The following CTNNA2 variants were observed in gnomAD, a reference collection of about 807,000 sequenced individuals.
The protein encoded by CTNNA2 is catenin alpha 2, also known as catenin alpha-2.
In CTNNA2, 42 loss-of-function variants were observed where a neutral mutation model predicts 101.0. That is an observed-to-expected ratio of 0.42 (90% CI 0.32 to 0.54). The LOEUF is 0.54. Among genes scored for constraint, CTNNA2 ranks in the 20% least tolerant of loss-of-function variants. CTNNA2 has a pLI of 0.14. For missense variants in CTNNA2, 871 were observed against 1,223.1 expected, an observed-to-expected ratio of 0.71 and a Z score of 4.29; for synonymous variants, 450 against 456.4, an observed-to-expected ratio of 0.99 and a Z score of 0.18.
intron 9 of CTNNA2, among the ~76,000 whole-genome samples, chr2:80,432,151 A>G (rs1681595258): frequency 6.6e-6 from 1 of 152,088 alleles, no homozygotes; most frequent in African/African-American, 2.4e-5. Context: ...TTTTGCTTAC[A>G]GTACACCAGG....
chr2:80,571,076 C>T (rs1180705192), intron 12 of CTNNA2, among the ~76,000 whole-genome samples: 1 of 152,166 alleles, frequency 6.6e-6, no homozygotes, highest in Admixed American at 6.5e-5. Flanking sequence ...TCACCTTCTA[C>T]GTTGTCCTCC....
intron 7 of CTNNA2, among the ~76,000 whole-genome samples, chr2:80,142,726 C>T (rs1286567723): frequency 6.6e-6 from 1 of 152,128 alleles, no homozygotes; most frequent in Non-Finnish European, 1.5e-5. Flanking sequence ...AGCCCAAAGC[C>T]ATGGTTTTTA....
chr2:80,235,754 G>A (rs1295069857), intron 7 of CTNNA2, among the ~76,000 whole-genome samples: 1 of 152,064 alleles, frequency 6.6e-6, no homozygotes, highest in East Asian at 1.9e-4. Flanking sequence ...CTTACCTTAG[G>A]GTCGCACCAT....
chr2:80,301,204 A>G (rs967826840), intron 7 of CTNNA2, among the ~76,000 whole-genome samples: 1 of 152,198 alleles, frequency 6.6e-6, no homozygotes, highest in African/African-American at 2.4e-5. Context: ...GAAACTAGGA[A>G]TGTGCTGTCA....
At chr2:79,499,826 T>C (rs1386623861) in intron 4 of CTNNA2, among the ~76,000 whole-genome samples, 2 of 152,184 alleles carry the variant, frequency 1.3e-5, no homozygotes, top group Non-Finnish European at 2.9e-5. Context: ...ACAGAACCAA[T>C]ATGATTTGTG....
rs571970278 is a variant in CTNNA2, at chr2:80,076,907, G to A, written c.1056+167110G>A. Among the ~76,000 whole-genome samples, 40 of 152,004 alleles carry A rather than the reference G, an allele frequency of 2.6e-4. No individual in the cohort carries two copies. In the South Asian group the frequency reaches 3.5e-3, roughly 13 times the overall value. On this transcript the variant is annotated intron_variant, in intron 7 of 18. Coordinates refer to ENST00000402739, the MANE Select transcript of CTNNA2 (RefSeq NM_001282597.3). ...AAAAAATACAAAAAAAAAAATTAGCGTGGTGGTGGGCACCTGTAGTCCCAG... is the reference window on the plus strand; with the variant it reads ...AAAAAATACAAAAAAAAAAATTAGCATGGTGGTGGGCACCTGTAGTCCCAG...
intron 2 of CTNNA2, among the ~76,000 whole-genome samples, chr2:79,288,530 T>C (rs1419786483): frequency 6.6e-6 from 1 of 152,170 alleles, no homozygotes; most frequent in African/African-American, 2.4e-5. Flanking sequence ...TACTCTCACA[T>C]TCCTGGCATC....
At chr2:80,559,529 G>C (rs1354561257) in intron 12 of CTNNA2, among the ~76,000 whole-genome samples, 1 of 152,192 alleles carries the variant, frequency 6.6e-6, no homozygotes, top group Non-Finnish European at 1.5e-5. Flanking sequence ...CTTTGCTTAA[G>C]AGTGCTTCTT....
At chr2:80,267,840 G>GT (rs1460532013) in intron 7 of CTNNA2, among the ~76,000 whole-genome samples, 1 of 152,230 alleles carries the variant, frequency 6.6e-6, no homozygotes, top group Non-Finnish European at 1.5e-5. Flanking sequence ...TCTAAGGGGA[G>GT]TAGGAGGAAG....
chr2:80,051,124 G>A (rs1023131382), intron 7 of CTNNA2, among the ~76,000 whole-genome samples: 5 of 152,096 alleles, frequency 3.3e-5, no homozygotes, highest in African/African-American at 9.7e-5. Context: ...AGAAACAAAG[G>A]GATTTTGTAA....
intron 2 of CTNNA2, among the ~76,000 whole-genome samples, chr2:79,286,171 T>C (rs993524849): frequency 3.3e-5 from 5 of 152,316 alleles, no homozygotes; most frequent in African/African-American, 9.6e-5. Context: ...ATGGGTTTCC[T>C]GGATACAGCA....
intron 9 of CTNNA2, among the ~76,000 whole-genome samples, chr2:80,531,756 C>T (rs907791597): frequency 5.9e-5 from 9 of 152,164 alleles, no homozygotes; most frequent in Non-Finnish European, 8.8e-5. Context: ...TGCTTCTCCT[C>T]GATCCACTTA....
chr2:80,472,216 G>A (rs1026390032), intron 9 of CTNNA2, among the ~76,000 whole-genome samples: 18 of 152,144 alleles, frequency 1.2e-4, no homozygotes, highest in African/African-American at 4.1e-4. Context: ...AGGCAAGAGA[G>A]TTACTATGAG....
chr2:80,238,195 A>G (rs1709646908), intron 7 of CTNNA2, among the ~76,000 whole-genome samples: 1 of 152,074 alleles, frequency 6.6e-6, no homozygotes, highest in African/African-American at 2.4e-5. Context: ...TGTGACCTCA[A>G]GGAATGACTT....
At chr2:79,748,537 T>C (rs1170170998) in intron 3 of CTNNA2, among the ~76,000 whole-genome samples, 2 of 152,150 alleles carry the variant, frequency 1.3e-5, no homozygotes, top group Admixed American at 1.3e-4. Context: ...CACTTTTTGT[T>C]TTCAGCATAA....
At chr2:80,320,710 T>C (rs528210792) in intron 7 of CTNNA2, among the ~76,000 whole-genome samples, 1 of 152,342 alleles carries the variant, frequency 6.6e-6, no homozygotes, top group Non-Finnish European at 1.5e-5. Flanking sequence ...AAATCACAGA[T>C]CTCATACATA....
intron 15 of CTNNA2, among the ~76,000 whole-genome samples, chr2:80,595,685 G>A (rs1255041776): frequency 6.6e-6 from 1 of 151,978 alleles, no homozygotes; most frequent in African/African-American, 2.4e-5. Flanking sequence ...AACCTGTGGT[G>A]GTATTTCTGA....
chr2:79,331,244 T>A lies in CTNNA2; in HGVS notation c.-318+18448T>A, dbSNP rs1434217. The stretch of plus-strand genomic sequence containing the variant: ...GTCTTCATTCCTCTTGGATCCCACT[T>A]ACCTAGAAGTGCCTGAGAAAACAAA... On this transcript the variant is annotated intron_variant, in intron 3 of 21. Coordinates refer to the CTNNA2 transcript ENST00000466387. Among the ~76,000 whole-genome samples the A allele has an allele frequency of 5.3e-3, 802 of 152,250 alleles. 6 individuals are homozygous for A. Among genetic ancestry groups the A allele is most frequent in the African/African-American group, 0.019 (778 of 41,570 alleles).
At chr2:80,293,726 A>C (rs146872987) in intron 7 of CTNNA2, among the ~76,000 whole-genome samples, 1 of 152,274 alleles carries the variant, frequency 6.6e-6, no homozygotes, top group African/African-American at 2.4e-5. Flanking sequence ...TCAGTGTCCT[A>C]CTAGGATTTA....
Sources: allele counts gnomAD v4.1 joint callset (sites outside exome capture counted in the v4.1 genomes callset), GRCh38; gene constraint gnomAD v4.1.1; transcripts MANE v1.5; gene names NCBI Gene and HGNC (gene_info 2026-07-23, HGNC 2026-07-21).